Variants in MOBP observed in about 807,000 individuals in gnomAD.
The protein encoded by MOBP is myelin-associated oligodendrocyte basic protein.
A neutral mutation model predicts 15.0 loss-of-function variants in MOBP; 5 were observed. The ratio of observed to expected loss-of-function variants is 0.33; its 90% CI spans 0.17 to 0.70. The LOEUF (loss-of-function observed/expected upper bound fraction) is 0.70. Among genes scored for constraint, MOBP ranks in the 30% least tolerant of loss-of-function variants. MOBP has a pLI of 0.67. For missense variants in MOBP, 188 were observed against 257.8 expected, an observed-to-expected ratio of 0.73 and a Z score of 1.85; for synonymous variants, 88 against 99.0, an observed-to-expected ratio of 0.89 and a Z score of 0.66.
intron 1 of MOBP, among the ~76,000 whole-genome samples, chr3:39,469,386 T>C (rs149947669): frequency 4.5e-5 from 4 of 88,232 alleles, no homozygotes; most frequent in Non-Finnish European, 6.7e-5. Context: ...TTGGAATTAA[T>C]TAAAATTTAT....
At chr3:39,469,098 A>G (rs568555025) in intron 1 of MOBP, among the ~76,000 whole-genome samples, 1 of 59,944 alleles carries the variant, frequency 1.7e-5, no homozygotes. Context: ...ACATATATAC[A>G]TATGTGTGTG....
chr3:39,494,782 G>GA (rs777389528), intron 2 of MOBP, among the ~76,000 whole-genome samples: 2 of 85,942 alleles, frequency 2.3e-5, no homozygotes, highest in Admixed American at 1.4e-4. Flanking sequence ...TATTTTCAAA[G>GA]CCCCCCCCCG....
chr3:39,498,342 GTTT>G (rs2042916167), intron 2 of MOBP, among the ~76,000 whole-genome samples: 1 of 152,144 alleles, frequency 6.6e-6, no homozygotes, highest in African/African-American at 2.4e-5. Context: ...TGTTGTTGTT[GTTT>G]TTGTTTTTAT....
chr3:39,517,256 T>G (rs1271861763), downstream of MOBP, among the ~76,000 whole-genome samples: 1 of 152,198 alleles, frequency 6.6e-6, no homozygotes, highest in Non-Finnish European at 1.5e-5. Context: ...GCATCAACTA[T>G]GCATTCACCT....
At chr3:39,488,789 T>C (rs1358672738) in intron 2 of MOBP, among the ~76,000 whole-genome samples, 1 of 152,228 alleles carries the variant, frequency 6.6e-6, no homozygotes, top group Non-Finnish European at 1.5e-5. Context: ...CCTCATGTGC[T>C]ATTAATTTTG....
At chr3:39,487,723 C>T (rs886823575) in intron 2 of MOBP, among the ~76,000 whole-genome samples, 5 of 151,906 alleles carry the variant, frequency 3.3e-5, no homozygotes, top group African/African-American at 7.2e-5. Context: ...CAGGTTTCAC[C>T]GTGTTAGTCA....
chr3:39,507,243 A>G (rs1707972), downstream of MOBP, among the ~76,000 whole-genome samples: 40,669 of 152,096 alleles, frequency 0.27, 6,306 homozygotes, highest in African/African-American at 0.43. Flanking sequence ...TTCCTACAAA[A>G]CTTGTTCTTC....
chr3:39,472,148 C>T (rs1256872179), intron 1 of MOBP, among the ~76,000 whole-genome samples: 3 of 152,200 alleles, frequency 2.0e-5, no homozygotes, highest in Non-Finnish European at 4.4e-5. Context: ...GAGATAGAGG[C>T]TTTGACTTCC....
At chr3:39,485,612 C>G (rs1386314540) in intron 2 of MOBP, among the ~76,000 whole-genome samples, 8 of 152,150 alleles carry the variant, frequency 5.3e-5, no homozygotes, top group Non-Finnish European at 2.9e-5. Flanking sequence ...GTAGAAGCAC[C>G]CGTGTGCACT....
intron 4 of MOBP, among the ~76,000 whole-genome samples, chr3:39,513,099 A>G (rs896806155): frequency 2.6e-5 from 4 of 152,178 alleles, no homozygotes; most frequent in Non-Finnish European, 4.4e-5. Context: ...GTGTTTTTCT[A>G]TGTTTCAAAA....
chr3:39,490,194 A>T (rs1016829138), intron 2 of MOBP, among the ~76,000 whole-genome samples: 1 of 152,224 alleles, frequency 6.6e-6, no homozygotes, highest in Non-Finnish European at 1.5e-5. Flanking sequence ...ATATGCAGAA[A>T]TTAAGTTTGA....
At chr3:39,516,914 A>T (rs2043211719), downstream of MOBP, among the ~76,000 whole-genome samples, 1 of 152,204 alleles carries the variant, frequency 6.6e-6, no homozygotes, top group African/African-American at 2.4e-5. Flanking sequence ...GTACTCTGAG[A>T]CAGTAATTTG....
At chr3:39,528,982 CTA>C (rs2043362260), downstream of MOBP, 1 of 152,240 alleles carries the variant, frequency 6.6e-6, no homozygotes, top group Non-Finnish European at 1.5e-5. Flanking sequence ...CAGCCTCGTT[CTA>C]TGTTATTTTT....
Position 39,502,701 on chromosome 3 carries a change from C to T in MOBP, c.373C>T (p.Arg125Cys). 3 of 1,528,346 alleles carry T rather than the reference C, an allele frequency of 2.0e-6. No homozygotes were observed. Among genetic ancestry groups the T allele is most frequent in the Non-Finnish European group, 2.6e-6 (3 of 1,143,262 alleles). 94.7% of individuals were successfully genotyped at this position (1,528,346 alleles called of 1,614,324 possible). The change falls in exon 4 of 4, where the codon CGT becomes TGT. Residue 125 changes from arginine (R) to cysteine (C), a missense_variant. Arg to Cys is a radical substitution (Grantham distance 180, BLOSUM62 -3). This residue lies in a region of MOBP where 133 missense variants were observed against 212.5 expected (regional missense o/e 0.63). Transcript: ENST00000684792. The surrounding 1 kb of genome is among the most constrained non-coding windows in gnomAD (Gnocchi z 6.3). ...RQPRSPPRSE[R>C]QPRSPPRSER... ...GCCACGGTCCCCTCCGAGGTCTGAG[C>T]GTCAGCCACGGTCCCCTCCGAGGTC...
chr3:39,510,998 A>G (rs1236650025), intron 4 of MOBP, among the ~76,000 whole-genome samples: 2 of 152,248 alleles, frequency 1.3e-5, no homozygotes, highest in East Asian at 3.8e-4. Context: ...ATATGGCTCA[A>G]CTTTCCTCAT....
chr3:39,486,661 G>T (rs1013062988), intron 2 of MOBP, among the ~76,000 whole-genome samples: 2 of 152,050 alleles, frequency 1.3e-5, no homozygotes, highest in Admixed American at 6.5e-5. Context: ...TTGTAGAATG[G>T]TATCAATTGT....
At chr3:39,487,055 C>T (rs920530469) in intron 2 of MOBP, among the ~76,000 whole-genome samples, 2 of 150,912 alleles carry the variant, frequency 1.3e-5, no homozygotes, top group African/African-American at 4.9e-5. Flanking sequence ...ATCCTTTCAT[C>T]TCAGCCTTCT....
intron 2 of MOBP, among the ~76,000 whole-genome samples, chr3:39,499,707 C>G (rs769992810): frequency 1.3e-5 from 2 of 152,204 alleles, no homozygotes; most frequent in East Asian, 3.9e-4. Flanking sequence ...CTACTTCGAC[C>G]TCTGATTAGC....
At chr3:39,471,258 T>C (rs1422661198) in intron 1 of MOBP, among the ~76,000 whole-genome samples, 1 of 151,816 alleles carries the variant, frequency 6.6e-6, no homozygotes, top group East Asian at 1.9e-4. Flanking sequence ...GCCTCCCAAG[T>C]ACCTGGGACT....
Sources: gnomAD v4.1 joint callset for allele counts (sites outside exome capture counted in the v4.1 genomes callset) on GRCh38, gnomAD v4.1.1 for gene constraint, gnomAD v4.1.1 regional missense constraint, Gnocchi (gnomAD v3.1) non-coding constraint, MANE v1.5 for transcripts, NCBI Gene and HGNC (gene_info 2026-07-23, HGNC 2026-07-21) for gene names.